CDH4: variants seen among roughly 807,000 people sequenced by gnomAD.
The protein encoded by CDH4 is cadherin-4.
CDH4 carries 33 observed loss-of-function variants against 86.0 expected under a neutral mutation model. That is an observed-to-expected ratio of 0.38 (90% CI 0.29 to 0.51). The LOEUF is 0.51. CDH4 is among the 20% of genes least tolerant of loss of function. The probability of loss-of-function intolerance (pLI) is 0.86; values close to 1 mark genes in which losing one functional copy is unlikely to be tolerated. For synonymous variants in CDH4, 555 were observed against 549.4 expected (o/e 1.01, Z -0.14); for missense variants, 1,114 against 1,307.4 (o/e 0.85, Z 2.28).
chr20:61,849,464 C>A lies in CDH4; in HGVS notation c.733-3290C>A, dbSNP rs547440753. Among the ~76,000 whole-genome samples the A allele has an allele frequency of 2.6e-5, 4 of 152,340 alleles. No homozygotes were observed. The East Asian group carries it at 7.7e-4, about 29-fold the overall frequency. On this transcript the variant is annotated intron_variant, in intron 5 of 15. Coordinates refer to ENST00000614565, the MANE Select transcript of CDH4 (RefSeq NM_001794.5). ...GTCCAGATGGGCTTGGCTTGTGTTT[C>A]TGCTCCGGGTCTCACCAGGCCAAAA... is the stretch of plus-strand genomic sequence containing the variant.
chr20:61,503,852 C>T (rs2085721538), intron 2 of CDH4, among the ~76,000 whole-genome samples: 2 of 152,220 alleles, frequency 1.3e-5, no homozygotes, highest in Admixed American at 1.3e-4. Context: ...TTGTGAATTT[C>T]ATCTGAGGAT....
At chr20:61,864,757 C>G (rs929735949) in intron 6 of CDH4, among the ~76,000 whole-genome samples, 1 of 152,218 alleles carries the variant, frequency 6.6e-6, no homozygotes, top group African/African-American at 2.4e-5. Context: ...ACCCGATTAT[C>G]TCCACCCATC....
chr20:61,613,980 T>A (rs902183293), intron 2 of CDH4, among the ~76,000 whole-genome samples: 14 of 152,140 alleles, frequency 9.2e-5, no homozygotes, highest in Non-Finnish European at 1.5e-5. Context: ...TGACTAAGTC[T>A]CTGGTGCAGA....
intron 2 of CDH4, among the ~76,000 whole-genome samples, chr20:61,291,520 A>C (rs2084320825): frequency 6.6e-6 from 1 of 152,202 alleles, no homozygotes; most frequent in African/African-American, 2.4e-5. Context: ...AGGGGGGATA[A>C]TGGAGTGCCT....
intron 6 of CDH4, among the ~76,000 whole-genome samples, chr20:61,867,629 A>G (rs1349809142): frequency 6.6e-6 from 1 of 150,956 alleles, no homozygotes; most frequent in Non-Finnish European, 1.5e-5. Context: ...TGCTCATCAC[A>G]TTTTCCTCCT....
intron 4 of CDH4, among the ~76,000 whole-genome samples, chr20:61,794,602 A>C (rs1324354120): frequency 6.6e-6 from 1 of 152,248 alleles, no homozygotes; most frequent in African/African-American, 2.4e-5. Flanking sequence ...TGAAATGATA[A>C]CATCAGGCAG....
chr20:61,874,678 C>T (rs1983944395), intron 7 of CDH4, among the ~76,000 whole-genome samples: 1 of 152,214 alleles, frequency 6.6e-6, no homozygotes, highest in African/African-American at 2.4e-5. Flanking sequence ...ACCAGCAGCA[C>T]CTTGAGTCCC....
chr20:61,929,706 C>G lies in CDH4; in HGVS notation c.2103C>G (p.Ser701=). 6.2e-7 allele frequency: 1 copy of G among 1,614,190 alleles called. No homozygotes were observed. Residue 701 remains serine (S), a synonymous_variant, in exon 13 of 16, where the codon TCC becomes TCG. Transcript: ENST00000614565. ...CAGACTCTGGAAACCCTCCCCTGTC[C>G]AACACGTCCATCATCAAAGTCAAGG... ...IVTDSGNPPL[S]NTSIIKVKVC...
At position 61,771,189 on chromosome 20, in the gene CDH4, T is replaced by C. The variant is rs556948687; in HGVS notation, c.397-1814T>C. 3.3e-5 allele frequency among the ~76,000 whole-genome samples: 5 copies of C among 151,682 alleles called. No individual in the cohort carries two copies. The South Asian group carries it at 1.0e-3, about 32-fold the overall frequency. ...CCACACCTGCCTAATTTTAGATTTTTAGTAGAGATGGGGTTTCACCATGTT... is the reference window on the plus strand; with the variant it reads ...CCACACCTGCCTAATTTTAGATTTTCAGTAGAGATGGGGTTTCACCATGTT... On this transcript the variant is annotated intron_variant, in intron 3 of 15. Coordinates refer to ENST00000614565, the MANE Select transcript of CDH4 (RefSeq NM_001794.5).
intron 2 of CDH4, among the ~76,000 whole-genome samples, chr20:61,579,483 C>T (rs973926014): frequency 3.3e-5 from 5 of 151,982 alleles, no homozygotes; most frequent in Admixed American, 6.6e-5. Flanking sequence ...GGCAGGGTTT[C>T]GCCATGTTGG....
chr20:61,420,524 A>G (rs926994626), intron 2 of CDH4, among the ~76,000 whole-genome samples: 1 of 152,262 alleles, frequency 6.6e-6, no homozygotes, highest in African/African-American at 2.4e-5. Context: ...AAGCAGGCCC[A>G]GCCATTCTGG....
rs1040765432 is a variant in CDH4 at position 61,787,136 on chromosome 20, A to G, written c.576+13954A>G. On this transcript the variant is annotated intron_variant, in intron 4 of 15. Transcript: ENST00000614565. ...CATCCATCCATCCGTCTGTCCGTCC[A>G]TCCATCCATCCATCTATCCCTCCAT... Among the ~76,000 whole-genome samples, 10 of 152,178 alleles carry G rather than the reference A, an allele frequency of 6.6e-5. No homozygotes were observed. The South Asian group carries it at 1.9e-3, about 28-fold the overall frequency.
chr20:61,919,423 TC>T (rs1213667844), intron 9 of CDH4, among the ~76,000 whole-genome samples: 1 of 152,200 alleles, frequency 6.6e-6, no homozygotes, highest in Non-Finnish European at 1.5e-5. Context: ...CACCCCAGGT[TC>T]CTTCCTGTCT....
chr20:61,373,443 G>A (rs2084850959), intron 2 of CDH4, among the ~76,000 whole-genome samples: 1 of 152,238 alleles, frequency 6.6e-6, no homozygotes, highest in African/African-American at 2.4e-5. Flanking sequence ...TCTAAAAACA[G>A]CAATGATATT....
chr20:61,802,577 G>A (rs1272162060), intron 4 of CDH4, among the ~76,000 whole-genome samples: 1 of 152,230 alleles, frequency 6.6e-6, no homozygotes, highest in East Asian at 1.9e-4. Flanking sequence ...TCTCCGTTGG[G>A]AGCAATTTCC....
intron 2 of CDH4, among the ~76,000 whole-genome samples, chr20:61,394,369 A>C (rs1476542205): frequency 6.6e-6 from 1 of 152,208 alleles, no homozygotes; most frequent in East Asian, 1.9e-4. Context: ...GCAGGTGAGC[A>C]GCAGCAGCAA....
chr20:61,436,446 T>A (rs1428481325), intron 2 of CDH4: 1 of 152,202 alleles, frequency 6.6e-6, no homozygotes, highest in African/African-American at 2.4e-5. Context: ...TCAGAATGGA[T>A]AACTCACTGG....
At chr20:61,526,263 G>A (rs1221185667) in intron 2 of CDH4, among the ~76,000 whole-genome samples, 4 of 151,780 alleles carry the variant, frequency 2.6e-5, no homozygotes, top group East Asian at 1.9e-4. Context: ...AACACGACCC[G>A]CCTGGCCTCT....
intron 2 of CDH4, among the ~76,000 whole-genome samples, chr20:61,455,529 C>A (rs1313536834): frequency 1.3e-5 from 2 of 152,310 alleles, no homozygotes; most frequent in East Asian, 1.9e-4. Context: ...CCCGCAAAAA[C>A]CAGGTGATGT....
Sources: gnomAD v4.1 joint callset for allele counts (sites outside exome capture counted in the v4.1 genomes callset) on GRCh38, gnomAD v4.1.1 for gene constraint, MANE v1.5 for transcripts, NCBI Gene and HGNC (gene_info 2026-07-23, HGNC 2026-07-21) for gene names.